The following IPO11 variants were observed in gnomAD, a reference collection of about 807,000 sequenced individuals.
IPO11 encodes the protein importin-11.
IPO11 carries 66 observed loss-of-function variants against 143.2 expected under a neutral mutation model. The observed-to-expected ratio is 0.46, with a 90% CI of 0.38 to 0.57. The LOEUF (loss-of-function observed/expected upper bound fraction) is 0.57, where lower values mean the gene tolerates loss of function less well. IPO11 is among the 20% of genes least tolerant of loss of function. IPO11 has a pLI of 0.00. For missense variants in IPO11, 1,026 were observed against 1,141.0 expected, an observed-to-expected ratio of 0.90 and a Z score of 1.45; for synonymous variants, 385 against 377.8, an observed-to-expected ratio of 1.02 and a Z score of -0.22.
At chr5:62,518,715 G>GTTT (rs1224399497) in intron 20 of IPO11, among the ~76,000 whole-genome samples, 1 of 152,160 alleles carries the variant, frequency 6.6e-6, no homozygotes, top group Non-Finnish European at 1.5e-5. Flanking sequence ...GTTTCTGTAT[G>GTTT]TTTTTGTTTG....
At chr5:62,467,620 C>G (rs1276548512) in intron 6 of IPO11, among the ~76,000 whole-genome samples, 2 of 152,072 alleles carry the variant, frequency 1.3e-5, no homozygotes, top group African/African-American at 4.8e-5. Flanking sequence ...AATTTTTTCT[C>G]CAGGCTGGAA....
At chr5:62,551,455 T>A in intron 26 of IPO11, 119 bp downstream of exon 26, 2 of 547,062 alleles carry the variant, frequency 3.7e-6, no homozygotes, top group Non-Finnish European at 6.5e-6. Context: ...CTTTACATTT[T>A]AAATCTTTAT....
chr5:62,511,338 T>A (rs1741741456), intron 19 of IPO11, among the ~76,000 whole-genome samples: 1 of 152,162 alleles, frequency 6.6e-6, no homozygotes, highest in African/African-American at 2.4e-5. Flanking sequence ...TGTTTTTACT[T>A]ATTAATTGGC....
intron 3 of IPO11, among the ~76,000 whole-genome samples, chr5:62,444,031 C>A (rs567516307): frequency 1.3e-5 from 2 of 151,878 alleles, no homozygotes; most frequent in South Asian, 4.2e-4. Flanking sequence ...ATATTGGAAA[C>A]AACAAGAATA....
intron 1 of IPO11, chr5:62,419,179 A>AT: frequency 6.5e-7 from 1 of 1,528,956 alleles, no homozygotes; most frequent in Non-Finnish European, 8.8e-7. Context: ...TACTGTAAAA[A>AT]TACAGTGTAG....
Position 62,437,169 on chromosome 5 carries a change from A to G in IPO11, c.-6-105A>G, listed in dbSNP as rs1436668565. On this transcript the variant is annotated intron_variant, in intron 1 of 29. Transcript: ENST00000325324. Reference sequence around the variant, plus strand: ...AGGCAGAACATGAAGGATTAGATGAATGGGAGTAATTCAGAACATGAAAGC... The same window carrying G: ...AGGCAGAACATGAAGGATTAGATGAGTGGGAGTAATTCAGAACATGAAAGC... 4 of 772,818 alleles carry G rather than the reference A, an allele frequency of 5.2e-6. No homozygotes were observed. In the African/African-American group the frequency reaches 7.2e-5, roughly 14 times the overall value. 47.9% of individuals were successfully genotyped at this position (772,818 alleles called of 1,614,324 possible).
intron 1 of IPO11, among the ~76,000 whole-genome samples, chr5:62,435,588 A>C (rs995040632): frequency 6.6e-6 from 1 of 151,582 alleles, no homozygotes; most frequent in African/African-American, 2.4e-5. Flanking sequence ...TTAAAATCTT[A>C]ATCTGGGCTG....
In IPO11 at chr5:62,551,348, T is replaced by C; in HGVS notation, c.2460+12T>C. On this transcript the variant is annotated intron_variant, in intron 26 of 29. Transcript: ENST00000325324. ...AATTTAATCAGGAGGTAAGAATCAA[T>C]ATACTTAAATTTAAGGAAGTCTTTA... The C allele has an allele frequency of 7.8e-7, 1 of 1,280,068 alleles. No homozygotes were observed. 79.3% of individuals were successfully genotyped at this position (1,280,068 alleles called of 1,614,324 possible).
At chr5:62,510,648 T>C (rs1741713898) in intron 19 of IPO11, among the ~76,000 whole-genome samples, 1 of 152,212 alleles carries the variant, frequency 6.6e-6, no homozygotes, top group Non-Finnish European at 1.5e-5. Context: ...TGGAATATGT[T>C]TGGCTCTCAT....
At chr5:62,534,979 A>G (rs1742684474) in intron 22 of IPO11, among the ~76,000 whole-genome samples, 1 of 151,596 alleles carries the variant, frequency 6.6e-6, no homozygotes. Flanking sequence ...ACCTTAAAAC[A>G]GATAAATTTG....
At chr5:62,569,458 G>A (rs1744064203) in intron 27 of IPO11, among the ~76,000 whole-genome samples, 1 of 152,156 alleles carries the variant, frequency 6.6e-6, no homozygotes, top group Non-Finnish European at 1.5e-5. Context: ...GGTCATTGGA[G>A]GGTTCTGTTT....
At chr5:62,438,204 A>G in intron 2 of IPO11, among the ~76,000 whole-genome samples, 1 of 152,208 alleles carries the variant, frequency 6.6e-6, no homozygotes, top group East Asian at 1.9e-4. Context: ...TGTCATATAT[A>G]TTTTAACTTG....
chr5:62,623,018 T>A lies in IPO11; in HGVS notation c.2764-4136T>A, dbSNP rs995006727. 2.6e-5 allele frequency among the ~76,000 whole-genome samples: 4 copies of A among 152,248 alleles called. No homozygotes were observed. The East Asian group carries it at 7.7e-4, about 29-fold the overall frequency. ...TTGATTAAGTGGGTTCTGATTGGTA[T>A]CTGCTGGACTCATACTCTTCATTAA... On this transcript the variant is annotated intron_variant, in intron 29 of 29. Coordinates refer to ENST00000325324, the MANE Select transcript of IPO11 (RefSeq NM_016338.5).
chr5:62,554,064 A>G (rs1042074669), intron 26 of IPO11, among the ~76,000 whole-genome samples: 2 of 152,150 alleles, frequency 1.3e-5, no homozygotes, highest in African/African-American at 2.4e-5. Context: ...CCTGTTGGCC[A>G]TTCGTATGTC....
intron 12 of IPO11, among the ~76,000 whole-genome samples, chr5:62,487,495 T>C (rs1338166727): frequency 1.3e-5 from 2 of 152,174 alleles, no homozygotes; most frequent in Non-Finnish European, 2.9e-5. Flanking sequence ...TAATTTAAAA[T>C]GTACACTTTG....
intron 27 of IPO11, among the ~76,000 whole-genome samples, chr5:62,572,000 A>T (rs924894956): frequency 3.9e-5 from 6 of 152,158 alleles, no homozygotes; most frequent in Admixed American, 1.3e-4. Flanking sequence ...TAAACCTTTT[A>T]AATGTGTAAT....
intron 26 of IPO11, among the ~76,000 whole-genome samples, chr5:62,555,407 TACTC>T (rs1476182170): frequency 1.3e-5 from 2 of 152,016 alleles, no homozygotes; most frequent in African/African-American, 2.4e-5. Context: ...CGCAAACTCT[TACTC>T]AGGTGATCTT....
chr5:62,481,774 G>A (rs542060985), intron 9 of IPO11, among the ~76,000 whole-genome samples: 3 of 152,274 alleles, frequency 2.0e-5, no homozygotes, highest in South Asian at 2.1e-4. Context: ...TCTCTGCGAG[G>A]CTTTGGTATC....
chr5:62,483,407 C>T, intron 10 of IPO11, 114 bp downstream of exon 10: 1 of 658,892 alleles, frequency 1.5e-6, no homozygotes. Flanking sequence ...TAAATTGTTG[C>T]TGGGACATGA....
Sources: allele counts gnomAD v4.1 joint callset (sites outside exome capture counted in the v4.1 genomes callset), GRCh38; gene constraint gnomAD v4.1.1; transcripts MANE v1.5; gene names NCBI Gene and HGNC (gene_info 2026-07-23, HGNC 2026-07-21).